Variants in C22orf31 observed in about 807,000 individuals in gnomAD.
C22orf31 encodes the protein chromosome 22 open reading frame 31.
In C22orf31, 11 loss-of-function variants were observed where a neutral mutation model predicts 15.0. The ratio of observed to expected loss-of-function variants is 0.73; its 90% CI spans 0.46 to 1.21. The LOEUF (loss-of-function observed/expected upper bound fraction) is 1.21, where lower values mean the gene tolerates loss of function less well. C22orf31 is among the 50% of genes most tolerant of loss of function. C22orf31 has a pLI of 0.00. For missense variants in C22orf31, 340 were observed against 347.2 expected, an observed-to-expected ratio of 0.98 and a Z score of 0.17; for synonymous variants, 132 against 133.3, an observed-to-expected ratio of 0.99 and a Z score of 0.07.
At position 29,058,930 on chromosome 22, in the gene C22orf31, A is replaced by C. The variant is rs756600462; in HGVS notation, c.685T>G (p.Ser229Ala). Residue 229 changes from serine (S) to alanine (A), a missense_variant, in exon 3 of 3, where the codon TCA (serine) becomes GCA (alanine). By Grantham distance (99) the Ser-to-Ala change is moderately conservative (BLOSUM62 1). Coordinates refer to ENST00000216071, the MANE Select transcript of C22orf31 (RefSeq NM_015370.2). ...AVVEPMLWNP[S>A]GTPKRYSLEL... Reference sequence around the variant, plus strand: ...AGGCTGTACCTCTTGGGGGTCCCTGAAGGATTCCACAGCATTGGCTCCACC... The same window carrying C: ...AGGCTGTACCTCTTGGGGGTCCCTGCAGGATTCCACAGCATTGGCTCCACC... 4.3e-6 allele frequency: 7 copies of C among 1,614,148 alleles called. No homozygotes were observed. Among genetic ancestry groups the C allele is most frequent in the South Asian group, 1.1e-5 (1 of 91,070 alleles).
At chr22:29,060,924 A>G in intron 1 of C22orf31, 81 bp from the exon 2 acceptor site, 2 of 1,158,448 alleles carry the variant, frequency 1.7e-6, no homozygotes. Context: ...TGAAGGCAAA[A>G]TATTAACATC....
chr22:29,060,810 G>T lies in C22orf31; in HGVS notation c.37C>A (p.Pro13Thr), dbSNP rs1375676903. The change falls in exon 2 of 3, where the codon CCT becomes ACT. Residue 13 changes from proline (P) to threonine (T), a missense_variant. By Grantham distance (38) the Pro-to-Thr change is conservative. Coordinates refer to ENST00000216071, the MANE Select transcript of C22orf31 (RefSeq NM_015370.2). ...PINVRRDPSI[P>T]IYGLRQSILL... ...ATGGACTGTCGGAGTCCATAGATAG[G>T]GATGCTGGGGTCTCGTCTCACATTG... 6.2e-7 allele frequency: 1 copy of T among 1,613,740 alleles called. No homozygotes were observed. Among genetic ancestry groups the T allele is most frequent in the African/African-American group, 1.3e-5 (1 of 74,884 alleles).
chr22:29,073,180 C>T, the C22orf31 span: 1 of 1,181,292 alleles, frequency 8.5e-7, no homozygotes, highest in African/African-American at 1.6e-5. This position sits in a 1 kb window ranked among gnomAD's most constrained non-coding sequence, Gnocchi z 4.4. Flanking sequence ...GCGGCGCTCA[C>T]GCTGGCGGCC....
chr22:29,060,020 T>TA (rs2037367539), intron 2 of C22orf31: 21 of 845,946 alleles, frequency 2.5e-5, no homozygotes, highest in South Asian at 5.7e-5. Context: ...TTTTTTCTTT[T>TA]CTTTTTTTTT....
intron 1 of C22orf31, 80 bp downstream of exon 1, chr22:29,061,710 A>G (rs2037393916): frequency 1.8e-6 from 2 of 1,116,586 alleles, no homozygotes; most frequent in Admixed American, 2.4e-5. Context: ...CAACAGAACA[A>G]TTTGGATAGA....
upstream of C22orf31, among the ~76,000 whole-genome samples, chr22:29,066,539 C>CTTTTTTTTTT (rs134565): frequency 2.5e-3 from 179 of 70,222 alleles, 11 homozygotes; most frequent in Middle Eastern, 0.011. Context: ...CTTTTCTTTT[C>CTTTTTTTTTT]TTTTTTTTTT....
the C22orf31 span, among the ~76,000 whole-genome samples, chr22:29,071,346 T>C: frequency 6.6e-6 from 1 of 151,792 alleles, no homozygotes; most frequent in African/African-American, 2.4e-5. Flanking sequence ...TCGAGAGGCC[T>C]CGTGGGAGGT....
the C22orf31 span, among the ~76,000 whole-genome samples, chr22:29,069,606 T>G: frequency 6.6e-6 from 1 of 152,192 alleles, no homozygotes. Context: ...TATCCCGGGT[T>G]GCTCTCTGCC....
upstream of C22orf31, among the ~76,000 whole-genome samples, chr22:29,065,557 C>T (rs1249493043): frequency 6.6e-6 from 1 of 152,192 alleles, no homozygotes; most frequent in Non-Finnish European, 1.5e-5. Context: ...CGATTGACCT[C>T]ACAGAAGTGT....
At chr22:29,068,084 CTTTT>C in the C22orf31 span, among the ~76,000 whole-genome samples, 2 of 130,226 alleles carry the variant, frequency 1.5e-5, no homozygotes. Flanking sequence ...CAAACCCCGT[CTTTT>C]TTTTTTTTTT....
intron 2 of C22orf31, chr22:29,059,908 G>A: frequency 1.4e-5 from 14 of 984,734 alleles, no homozygotes; most frequent in Non-Finnish European, 1.6e-5. Flanking sequence ...ATGATAAATA[G>A]CATGACCCCA....
At chr22:29,070,405 A>G in the C22orf31 span, among the ~76,000 whole-genome samples, 2 of 152,240 alleles carry the variant, frequency 1.3e-5, no homozygotes, top group Non-Finnish European at 2.9e-5. Context: ...TTCCCGCAGC[A>G]GGCAGGACAG....
intron 1 of C22orf31, among the ~76,000 whole-genome samples, chr22:29,061,316 G>A (rs2037389188): frequency 6.6e-6 from 1 of 152,090 alleles, no homozygotes; most frequent in Non-Finnish European, 1.5e-5. Flanking sequence ...GCCCAGGCTG[G>A]AGTGCAATGG....
At chr22:29,069,772 T>C in the C22orf31 span, among the ~76,000 whole-genome samples, 1 of 150,740 alleles carries the variant, frequency 6.6e-6, no homozygotes, top group Non-Finnish European at 1.5e-5. Flanking sequence ...GAGGGATGTT[T>C]TTCACTGCAG....
At chr22:29,060,263 G>A (rs887029260) in intron 2 of C22orf31, 152 bp downstream of exon 2, 4 of 704,668 alleles carry the variant, frequency 5.7e-6, no homozygotes, top group Non-Finnish European at 9.3e-6. Context: ...AACTCTCTGA[G>A]CTCAAGTGAT....
intron 1 of C22orf31, 91 bp from the exon 2 acceptor site, chr22:29,060,934 C>A: frequency 9.5e-7 from 1 of 1,050,884 alleles, no homozygotes; most frequent in Non-Finnish European, 1.4e-6. Flanking sequence ...ATATTAACAT[C>A]TTTTTATAGG....
At chr22:29,069,654 G>A in the C22orf31 span, among the ~76,000 whole-genome samples, 69 of 152,300 alleles carry the variant, frequency 4.5e-4, no homozygotes, top group Non-Finnish European at 9.1e-4. Context: ...GCTGTTAAGT[G>A]CCATGACCTA....
upstream of C22orf31, among the ~76,000 whole-genome samples, chr22:29,065,185 C>G (rs2037421267): frequency 6.6e-6 from 1 of 152,158 alleles, no homozygotes; most frequent in Non-Finnish European, 1.5e-5. Context: ...GGTCCATTTA[C>G]TCATCTGACC....
chr22:29,060,994 T>C (rs1279278029), intron 1 of C22orf31, 151 bp from the exon 2 acceptor site: 1 of 661,308 alleles, frequency 1.5e-6, no homozygotes, highest in East Asian at 2.7e-5. Context: ...CCTCTCCTGT[T>C]CACCAAAGCC....
Sources: gnomAD v4.1 joint callset for allele counts (sites outside exome capture counted in the v4.1 genomes callset) on GRCh38, gnomAD v4.1.1 for gene constraint, Gnocchi (gnomAD v3.1) non-coding constraint, MANE v1.5 for transcripts, NCBI Gene and HGNC (gene_info 2026-07-23, HGNC 2026-07-21) for gene names.